TACC2: variants seen among roughly 807,000 people sequenced by gnomAD.
TACC2 encodes transforming acidic coiled-coil-containing protein 2.
TACC2 carries 137 observed loss-of-function variants against 227.3 expected under a neutral mutation model. That is an observed-to-expected ratio of 0.60 (90% CI 0.52 to 0.69). The LOEUF (loss-of-function observed/expected upper bound fraction) is 0.69, where lower values mean the gene tolerates loss of function less well. Among genes scored for constraint, TACC2 ranks in the 30% least tolerant of loss-of-function variants. TACC2 has a pLI of 0.00. For missense variants in TACC2, 3,470 were observed against 3,694.4 expected (o/e 0.94, Z 1.57); for synonymous variants, 1,523 against 1,487.5 (o/e 1.02, Z -0.55).
intron 12 of TACC2, 51 bp from the exon 13 acceptor site, chr10:122,226,315 C>T (rs2095627382): frequency 7.8e-7 from 1 of 1,281,370 alleles, no homozygotes; most frequent in Non-Finnish European, 1.1e-6. Context: ...ATCTCCGTTG[C>T]ACGTTCAGGC....
rs556756004 is a variant in TACC2 at position 122,131,929 on chromosome 10, C to T, written c.5574-680C>T. Reference sequence around the variant, plus strand: ...TCCAGCCACTCGGGTGGCTGAGGTACGAGTATTGCTTGAACCCGTGAGGCG... The same window carrying T: ...TCCAGCCACTCGGGTGGCTGAGGTATGAGTATTGCTTGAACCCGTGAGGCG... On this transcript the variant is annotated intron_variant, in intron 5 of 22. Transcript: ENST00000369005. Among the ~76,000 whole-genome samples the T allele has an allele frequency of 1.3e-4, 20 of 151,912 alleles. No homozygotes were observed. The South Asian group carries it at 2.1e-3, about 16-fold the overall frequency.
chr10:122,029,566 T>TA (rs572370274), intron 2 of TACC2, among the ~76,000 whole-genome samples: 9 of 152,208 alleles, frequency 5.9e-5, no homozygotes, highest in Non-Finnish European at 1.3e-4. Context: ...AAAGAAATCT[T>TA]ACATTTTAAA....
chr10:122,043,034 A>T (rs1432017709), intron 2 of TACC2, among the ~76,000 whole-genome samples: 1 of 152,156 alleles, frequency 6.6e-6, no homozygotes, highest in African/African-American at 2.4e-5. Context: ...TCACCCACTG[A>T]GGTAGGGAAG....
chr10:122,242,273 C>T (rs2096013203), intron 19 of TACC2, among the ~76,000 whole-genome samples: 1 of 152,194 alleles, frequency 6.6e-6, no homozygotes, highest in Non-Finnish European at 1.5e-5. Context: ...GCCAAGGACT[C>T]TCTACTTTGT....
chr10:122,026,180 T>C (rs1409363175), intron 2 of TACC2, among the ~76,000 whole-genome samples: 1 of 143,118 alleles, frequency 7.0e-6, no homozygotes, highest in African/African-American at 2.6e-5. Flanking sequence ...AAAAAAAAAT[T>C]AGCCGGGCAT....
At chr10:122,044,519 T>G (rs756245196) in intron 2 of TACC2, among the ~76,000 whole-genome samples, 5 of 152,182 alleles carry the variant, frequency 3.3e-5, no homozygotes, top group Non-Finnish European at 7.3e-5. Context: ...AGCATTCACC[T>G]GCAGTCAAGC....
chr10:122,237,055 T>C (rs1254565597), intron 16 of TACC2, among the ~76,000 whole-genome samples: 1 of 152,202 alleles, frequency 6.6e-6, no homozygotes, highest in Non-Finnish European at 1.5e-5. Flanking sequence ...GGCTGCTGAA[T>C]AGTGCCCTGG....
At chr10:122,081,272 C>A (rs2079450411) in intron 3 of TACC2, among the ~76,000 whole-genome samples, 1 of 151,430 alleles carries the variant, frequency 6.6e-6, no homozygotes, top group African/African-American at 2.4e-5. Context: ...GTAATCCCAG[C>A]ACTTTGGGAG....
chr10:122,026,047 A>C (rs578044079), intron 2 of TACC2, among the ~76,000 whole-genome samples: 30 of 150,844 alleles, frequency 2.0e-4, no homozygotes, highest in Non-Finnish European at 3.7e-4. Context: ...GGCTGGGTGC[A>C]GTGGCTCACG....
rs868435211 is a variant in TACC2, at chr10:122,163,094, G to A, written c.5834+19388G>A. Among the ~76,000 whole-genome samples the A allele has an allele frequency of 2.6e-5, 4 of 152,194 alleles. No homozygotes were observed. In the South Asian group the frequency reaches 8.3e-4, roughly 32 times the overall value. ...TAGCCCCGGGCTGGCTGTGAGGGGA[G>A]AGCCAGGTGCCGCAGCTCTCCCTGG... On this transcript the variant is annotated intron_variant, in intron 7 of 22. Coordinates refer to ENST00000369005, the MANE Select transcript of TACC2 (RefSeq NM_206862.4).
chr10:122,216,662 A>C lies in TACC2; in HGVS notation c.7380A>C (p.Pro2460=), dbSNP rs1364796890. ...CAGCTGCTACACCAGAAACACCACCAGTGATCTCTGCGGTGGTCCACGCCA... is the reference window on the plus strand; with the variant it reads ...CAGCTGCTACACCAGAAACACCACCCGTGATCTCTGCGGTGGTCCACGCCA... ...PTPAATPETP[P]VISAVVHATD... is the part of the protein sequence containing the mutation. Residue 2460 remains proline (P), a synonymous_variant, in exon 11 of 23, where the codon CCA becomes CCC. Transcript: ENST00000369005. 1.2e-6 allele frequency: 2 copies of C among 1,613,866 alleles called. No individual in the cohort carries two copies. The highest frequency in any genetic ancestry group is 2.7e-5 in the African/African-American group (2 of 74,866).
Position 122,022,023 on chromosome 10 carries a change from C to T in TACC2, c.33+9C>T, listed in dbSNP as rs766484867. ...GCACCTCGGACAACCAGGTGGGTGT[C>T]AGGAAGCTTCTCTCTCGAGCTACGT... On this transcript the variant is annotated intron_variant, in intron 2 of 22. Coordinates refer to ENST00000369005, the MANE Select transcript of TACC2 (RefSeq NM_206862.4). 9 of 1,614,084 alleles carry T rather than the reference C, an allele frequency of 5.6e-6. No individual in the cohort carries two copies. In the East Asian group the frequency reaches 1.3e-4, roughly 24 times the overall value.
At chr10:121,990,819 G>A (rs910838756) in intron 1 of TACC2, among the ~76,000 whole-genome samples, 9 of 152,036 alleles carry the variant, frequency 5.9e-5, no homozygotes, top group Admixed American at 4.6e-4. Context: ...ACAGGGACTC[G>A]CTGTGTTACC....
intron 7 of TACC2, among the ~76,000 whole-genome samples, chr10:122,152,999 C>CTTTCTTTTTCTTT (rs71026005): frequency 7.4e-6 from 1 of 135,024 alleles, no homozygotes; most frequent in African/African-American, 2.7e-5. Flanking sequence ...TTCTTTCTTT[C>CTTTCTTTTTCTTT]TTTTTTTTTT....
chr10:122,057,903 C>T (rs558215011), intron 3 of TACC2, among the ~76,000 whole-genome samples: 69 of 152,286 alleles, frequency 4.5e-4, no homozygotes, highest in Non-Finnish European at 8.7e-4. Flanking sequence ...CCTGCTCCCT[C>T]GCTAGATGAT....
chr10:121,999,751 T>C (rs1175186670), intron 1 of TACC2, among the ~76,000 whole-genome samples: 1 of 152,184 alleles, frequency 6.6e-6, no homozygotes, highest in Non-Finnish European at 1.5e-5. Flanking sequence ...CATACACTGA[T>C]GTCAATCTTG....
intron 7 of TACC2, chr10:122,163,592 G>C (rs1031308243): frequency 1.4e-4 from 136 of 1,003,450 alleles, no homozygotes; most frequent in Non-Finnish European, 1.6e-4. Context: ...GCCGGCTGCC[G>C]GGGGGTTTAA....
chr10:122,173,575 AGAG>A lies in TACC2; in HGVS notation c.5835-21463_5835-21461del, dbSNP rs2093577909. ...TAAGAGAAGTGACACGAGACACAGA[AGAG>A]GCAAGAGGCTGGAGGAGTGTGGTCA... On this transcript the variant is annotated intron_variant, in intron 7 of 22. Transcript: ENST00000369005. Among the ~76,000 whole-genome samples the A allele has an allele frequency of 8.5e-5, 13 of 152,358 alleles. No individual in the cohort carries two copies. The South Asian group carries it at 2.7e-3, about 32-fold the overall frequency.
Position 122,215,508 on chromosome 10 carries a change from C to G in TACC2, c.7344+57C>G. On this transcript the variant is annotated intron_variant, in intron 10 of 22. Coordinates refer to ENST00000369005, the MANE Select transcript of TACC2 (RefSeq NM_206862.4). The stretch of plus-strand genomic sequence containing the variant: ...TGCCCCCCCCGGGGGAGGTTTTCTT[C>G]GCTTGTTGACAAAGCTTTGCTTTCT... 4 of 1,428,006 alleles carry G rather than the reference C, an allele frequency of 2.8e-6. No individual in the cohort carries two copies. In the Middle Eastern group the frequency reaches 5.2e-4, roughly 187 times the overall value. The allele number at this position is 1,428,006 out of a possible 1,614,324, so 88.5% of individuals were successfully genotyped here.
Sources: allele counts gnomAD v4.1 joint callset (sites outside exome capture counted in the v4.1 genomes callset), GRCh38; gene constraint gnomAD v4.1.1; transcripts MANE v1.5; gene names NCBI Gene and HGNC (gene_info 2026-07-23, HGNC 2026-07-21).